The following FBL variants were observed in gnomAD, a reference collection of about 807,000 sequenced individuals.
FBL encodes the protein rRNA 2'-O-methyltransferase fibrillarin.
In FBL, 10 loss-of-function variants were observed where a neutral mutation model predicts 42.2. The observed-to-expected ratio is 0.24, with a 90% confidence interval of 0.15 to 0.40. The LOEUF (loss-of-function observed/expected upper bound fraction) is 0.40. FBL is among the 10% of genes least tolerant of loss of function. The probability of loss-of-function intolerance (pLI) is 1.00; values close to 1 mark genes in which losing one functional copy is unlikely to be tolerated. For synonymous variants in FBL, 165 were observed against 165.4 expected (o/e 1.00, Z 0.02); for missense variants, 351 against 439.2 (o/e 0.80, Z 1.79).
rs1228873841 is a variant in FBL at position 39,840,296 on chromosome 19, T to A, written c.315A>T (p.Ala105=). 6.2e-7 allele frequency: 1 copy of A among 1,614,036 alleles called. No homozygotes were observed. The highest frequency in any genetic ancestry group is 2.2e-5 in the East Asian group (1 of 44,868). ...CAGGGACCAGGTTCTTGGTGACCAG[T>A]GCATCTTCCTTTCCTCGACAAATGA... The part of the protein sequence containing the change: ...GVFICRGKED[A]LVTKNLVPGE... The change falls in exon 4 of 9, where the codon GCA becomes GCT. Residue 105 remains alanine, a synonymous_variant. Transcript: ENST00000221801. This position sits in a 1 kb window ranked among gnomAD's most constrained non-coding sequence, Gnocchi z 4.5.
chr19:39,840,135 A>G lies in FBL; in HGVS notation c.378+98T>C, dbSNP rs1599657406. 2.4e-6 allele frequency: 2 copies of G among 828,544 alleles called. No individual in the cohort carries two copies. The highest frequency in any genetic ancestry group is 2.4e-5 in the East Asian group (1 of 41,106). 51.3% of individuals were successfully genotyped at this position (828,544 alleles called of 1,614,324 possible). A position where few individuals can be genotyped will look rare whatever the true frequency, so the allele number is the denominator to read the frequency against. The stretch of plus-strand genomic sequence containing the variant: ...GGTTTACATATTATGACAATCCTCC[A>G]GCTGTCACGTGCAGGACACATGGTG... On this transcript the variant is annotated intron_variant, in intron 4 of 8. Coordinates refer to ENST00000221801, the MANE Select transcript of FBL (RefSeq NM_001436.4). The surrounding 1 kb of genome is among the most constrained non-coding windows in gnomAD (Gnocchi z 4.5).
Position 39,843,771 on chromosome 19 carries a change from AAAAT to A in FBL, c.10+2516_10+2519del, listed in dbSNP as rs1159974010. Among the ~76,000 whole-genome samples the A allele has an allele frequency of 2.0e-5, 3 of 152,232 alleles. No homozygotes were observed. The South Asian group carries it at 6.2e-4, about 32-fold the overall frequency. ...TGACAGAGAGAGATTCTGTATCAAAAAAATAAAAATAAAAAAAATGCAGTGCTCA... is the reference window on the plus strand; with the variant it reads ...TGACAGAGAGAGATTCTGTATCAAAAAAAAATAAAAAAAATGCAGTGCTCA... On this transcript the variant is annotated intron_variant, in intron 1 of 8. Coordinates refer to ENST00000221801, the MANE Select transcript of FBL (RefSeq NM_001436.4).
intron 7 of FBL, 35 bp from the exon 8 acceptor site, chr19:39,834,848 G>GC: frequency 6.2e-7 from 1 of 1,610,258 alleles, no homozygotes; most frequent in Non-Finnish European, 8.5e-7. Flanking sequence ...CTACAACAGG[G>GC]CTTTGGGCTG....
In FBL at chr19:39,840,180, GGCTACACCCTCA is replaced by G; in HGVS notation, c.378+41_378+52del. 3 of 1,263,928 alleles carry G rather than the reference GGCTACACCCTCA, an allele frequency of 2.4e-6. No individual in the cohort carries two copies. Among genetic ancestry groups the G allele is most frequent in the Non-Finnish European group, 3.5e-6 (3 of 862,600 alleles). The allele number at this position is 1,263,928 out of a possible 1,614,324, so 78.3% of individuals were successfully genotyped here. ...ATGGTGAGGGCAGACACAGACTACTGGCTACACCCTCAGCTGCGACCCTGGTGGCTTGGACAG... is the reference window on the plus strand; with the variant it reads ...ATGGTGAGGGCAGACACAGACTACTGGCTGCGACCCTGGTGGCTTGGACAG... On this transcript the variant is annotated intron_variant, in intron 4 of 8. Coordinates refer to ENST00000221801, the MANE Select transcript of FBL (RefSeq NM_001436.4). The surrounding 1 kb of genome is among the most constrained non-coding windows in gnomAD (Gnocchi z 4.5).
rs1248308849 is a variant in FBL at position 39,840,841 on chromosome 19, A to G, written c.11-54T>C. The G allele has an allele frequency of 2.8e-6, 4 of 1,451,992 alleles. No homozygotes were observed. The highest frequency in any genetic ancestry group is 5.4e-5 in the Admixed American group (2 of 37,346). The allele number at this position is 1,451,992 out of a possible 1,614,324, so 89.9% of individuals were successfully genotyped here. A position where few individuals can be genotyped will look rare whatever the true frequency, so the allele number is the denominator to read the frequency against. ...GCAATGAAGCTTAAAAGGTTAAACCACCTTGTACCCAGCAATACCTCTCAG... is the reference window on the plus strand; with the variant it reads ...GCAATGAAGCTTAAAAGGTTAAACCGCCTTGTACCCAGCAATACCTCTCAG... On this transcript the variant is annotated intron_variant, in intron 1 of 8. Transcript: ENST00000221801. This position sits in a 1 kb window ranked among gnomAD's most constrained non-coding sequence, Gnocchi z 4.5.
At chr19:39,844,093 G>C (rs1338166636) in intron 1 of FBL, among the ~76,000 whole-genome samples, 1 of 152,098 alleles carries the variant, frequency 6.6e-6, no homozygotes, top group Non-Finnish European at 1.5e-5. Flanking sequence ...ACATAACTAA[G>C]AGTTGTTCAC....
Position 39,836,539 on chromosome 19 carries a change from T to A in FBL, c.795+17A>T. ...AGAACACTGCCACCCCATCTTAGAC[T>A]CTTCCAAACCCCGCACCTTAATGGA... On this transcript the variant is annotated intron_variant, in intron 7 of 8. Coordinates refer to ENST00000221801, the MANE Select transcript of FBL (RefSeq NM_001436.4). 1 of 1,566,904 alleles carries A rather than the reference T, an allele frequency of 6.4e-7. No homozygotes were observed. The highest frequency in any genetic ancestry group is 8.8e-7 in the Non-Finnish European group (1 of 1,137,794).
rs1599657649 is a variant in FBL, at chr19:39,840,348, A to G, written c.284-21T>C. ...GACACCTGGGTGAGGGGATCAGAGC[A>G]GGGGTGAGGACCCCCAGCCTCTCCC... On this transcript the variant is annotated intron_variant, in intron 3 of 8. Transcript: ENST00000221801. The surrounding 1 kb of genome is among the most constrained non-coding windows in gnomAD (Gnocchi z 4.5). 3 of 1,611,544 alleles carry G rather than the reference A, an allele frequency of 1.9e-6. No homozygotes were observed. In the East Asian group the frequency reaches 6.7e-5, roughly 36 times the overall value.
At chr19:39,843,035 C>T (rs919769795) in intron 1 of FBL, among the ~76,000 whole-genome samples, 3 of 152,174 alleles carry the variant, frequency 2.0e-5, no homozygotes, top group African/African-American at 7.2e-5. Context: ...AATGTTAGTT[C>T]CCCAGAAGGG....
chr19:39,843,958 C>CACAAAAACACAAAAAGTT (rs905489401), intron 1 of FBL, among the ~76,000 whole-genome samples: 2 of 152,176 alleles, frequency 1.3e-5, no homozygotes, highest in African/African-American at 2.4e-5. Flanking sequence ...AGAAAAAACA[C>CACAAAAACACAAAAAGTT]ATGTTCACAC....
chr19:39,836,849 C>T (rs1418831957), intron 6 of FBL, among the ~76,000 whole-genome samples, 181 bp from the exon 7 acceptor site: 1 of 152,248 alleles, frequency 6.6e-6, no homozygotes, highest in African/African-American at 2.4e-5. Flanking sequence ...AACCCACAGT[C>T]ACATCATTCA....
At position 39,834,497 on chromosome 19, in the gene FBL, G is replaced by A. The variant is rs759315122; in HGVS notation, c.*41C>T. On this transcript the variant is annotated 3_prime_UTR_variant, in exon 9 of 9. Transcript: ENST00000221801. Reference sequence around the variant, plus strand: ...TTAATAGAAAAACACACGTGCAACAGTATCAACACACATCTCTCGCAATCC... The same window carrying A: ...TTAATAGAAAAACACACGTGCAACAATATCAACACACATCTCTCGCAATCC... The A allele has an allele frequency of 1.2e-6, 2 of 1,611,660 alleles. No individual in the cohort carries two copies. The highest frequency in any genetic ancestry group is 1.1e-5 in the South Asian group (1 of 91,030).
rs933328097 is a variant in FBL, at chr19:39,846,185, A to G, written c.10+106T>C. ...CCACAGGAGACTGGAACCCGTGCTCAGAACCCCTGCCCCCAGGCCAAGGCC... is the reference window on the plus strand; with the variant it reads ...CCACAGGAGACTGGAACCCGTGCTCGGAACCCCTGCCCCCAGGCCAAGGCC... On this transcript the variant is annotated intron_variant, in intron 1 of 8. Transcript: ENST00000221801. 6.0e-5 allele frequency: 81 copies of G among 1,351,340 alleles called. No individual in the cohort carries two copies. The African/African-American group carries it at 1.1e-3, about 18-fold the overall frequency. 83.7% of individuals were successfully genotyped at this position (1,351,340 alleles called of 1,614,324 possible). A position where few individuals can be genotyped will look rare whatever the true frequency, so the allele number is the denominator to read the frequency against.
chr19:39,841,794 T>C (rs1969168327), intron 1 of FBL, among the ~76,000 whole-genome samples: 1 of 152,254 alleles, frequency 6.6e-6, no homozygotes, highest in South Asian at 2.1e-4. Flanking sequence ...AACTGTCATT[T>C]AAGGATAGGC....
At chr19:39,841,064 T>G (rs1969156196) in intron 1 of FBL, among the ~76,000 whole-genome samples, 1 of 152,052 alleles carries the variant, frequency 6.6e-6, no homozygotes, top group East Asian at 1.9e-4. Context: ...ATCATAATAA[T>G]TTTTTTTGCT....
At chr19:39,838,669 CT>C (rs997793442) in intron 5 of FBL, 1 of 182,604 alleles carries the variant, frequency 5.5e-6, no homozygotes, top group Non-Finnish European at 1.1e-5. Flanking sequence ...AATGGGAAGC[CT>C]ATACAGGCTC....
intron 1 of FBL, among the ~76,000 whole-genome samples, chr19:39,845,561 G>C (rs1405875335): frequency 6.6e-6 from 1 of 152,172 alleles, no homozygotes; most frequent in African/African-American, 2.4e-5. Flanking sequence ...GGTTTCAGCA[G>C]AATCTAGTGG....
chr19:39,846,192 C>A (rs1231648867), intron 1 of FBL, 99 bp downstream of exon 1: 2 of 1,422,010 alleles, frequency 1.4e-6, no homozygotes, highest in African/African-American at 2.8e-5. Context: ...CTCAGAACCC[C>A]TGCCCCCAGG....
Position 39,840,682 on chromosome 19 carries a change from C to A in FBL, c.116G>T (p.Gly39Val). Residue 39 changes from glycine (G) to valine (V), a missense_variant, in exon 2 of 9, where the codon GGC (glycine) becomes GTC (valine). Physicochemically the swap from Gly to Val is moderately radical, Grantham distance 109 (BLOSUM62 -3). Coordinates refer to ENST00000221801, the MANE Select transcript of FBL (RefSeq NM_001436.4). The surrounding 1 kb of genome is among the most constrained non-coding windows in gnomAD (Gnocchi z 4.5). The stretch of plus-strand genomic sequence containing the variant: ...TCCTCCTCGTCCACGACCTCTAAAG[C>A]CTCCGCCTCGACCTCGGCCCCCGCC... ...GFGGGRGRGG[G>V]FRGRGRGGGG... 6.2e-7 allele frequency: 1 copy of A among 1,601,046 alleles called. No individual in the cohort carries two copies. Among genetic ancestry groups the A allele is most frequent in the Non-Finnish European group, 8.5e-7 (1 of 1,174,050 alleles).
Sources: gnomAD v4.1 joint callset for allele counts (sites outside exome capture counted in the v4.1 genomes callset) on GRCh38, gnomAD v4.1.1 for gene constraint, Gnocchi (gnomAD v3.1) non-coding constraint, MANE v1.5 for transcripts, NCBI Gene and HGNC (gene_info 2026-07-23, HGNC 2026-07-21) for gene names.